ANO3: variants seen among roughly 807,000 people sequenced by gnomAD.
ANO3 encodes the protein anoctamin 3, also known as anoctamin-3.
In ANO3, 99 loss-of-function variants were observed where a neutral mutation model predicts 144.8. That is an observed-to-expected ratio of 0.68 (90% CI 0.58 to 0.81). ANO3 has a LOEUF of 0.81. Ranked by LOEUF, ANO3 falls within the 30% of genes least tolerant of loss-of-function variation. The pLI, the probability that ANO3 is intolerant of heterozygous loss-of-function variation, is 0.00. For missense variants in ANO3, 905 were observed against 1,202.2 expected, an observed-to-expected ratio of 0.75 and a Z score of 3.66; for synonymous variants, 414 against 392.6, an observed-to-expected ratio of 1.05 and a Z score of -0.64.
chr11:26,590,118 G>A (rs11606418), intron 14 of ANO3, among the ~76,000 whole-genome samples: 23,626 of 152,076 alleles, frequency 0.16, 2,104 homozygotes, highest in East Asian at 0.33. Flanking sequence ...AGGATACAAC[G>A]TTTAGAACCT....
chr11:26,328,192 C>A (rs1335535043), upstream of ANO3, among the ~76,000 whole-genome samples: 4 of 152,164 alleles, frequency 2.6e-5, no homozygotes, highest in African/African-American at 7.2e-5. Flanking sequence ...GAGCATATAG[C>A]CTGGATATCA....
chr11:26,230,124 A>T (rs1168631728), intron 1 of ANO3, among the ~76,000 whole-genome samples: 1 of 152,218 alleles, frequency 6.6e-6, no homozygotes, highest in African/African-American at 2.4e-5. Context: ...CTCTTTCTAG[A>T]CACATATATT....
chr11:26,436,440 C>T (rs776378073), intron 1 of ANO3, among the ~76,000 whole-genome samples: 3 of 152,158 alleles, frequency 2.0e-5, no homozygotes, highest in African/African-American at 4.8e-5. Context: ...TGAGGGTCTG[C>T]TCCAGTCTCT....
At chr11:26,260,001 T>C (rs1172296970) in intron 1 of ANO3, among the ~76,000 whole-genome samples, 1 of 151,680 alleles carries the variant, frequency 6.6e-6, no homozygotes, top group Non-Finnish European at 1.5e-5. Flanking sequence ...TGCTGACAGT[T>C]AGGGCCCTGT....
chr11:26,412,426 T>A (rs1857457101), intron 1 of ANO3, among the ~76,000 whole-genome samples: 1 of 152,076 alleles, frequency 6.6e-6, no homozygotes, highest in Non-Finnish European at 1.5e-5. Flanking sequence ...AAATGAGACC[T>A]GAGTAATATT....
intron 1 of ANO3, among the ~76,000 whole-genome samples, chr11:26,315,681 CTAT>C (rs1564961765): frequency 1.4e-5 from 2 of 143,716 alleles, no homozygotes; most frequent in African/African-American, 5.1e-5. Context: ...ATCTATCTAT[CTAT>C]CCATCTATCT....
intron 17 of ANO3, among the ~76,000 whole-genome samples, chr11:26,611,605 T>C (rs1363859295): frequency 6.6e-6 from 1 of 152,206 alleles, no homozygotes; most frequent in Non-Finnish European, 1.5e-5. Flanking sequence ...GAATGTTCTG[T>C]AAATATCTGT....
intron 11 of ANO3, among the ~76,000 whole-genome samples, chr11:26,544,251 C>CACACATATAT (rs1183023481): frequency 1.6e-4 from 6 of 38,454 alleles, no homozygotes; most frequent in African/African-American, 4.0e-4. Flanking sequence ...TTTCATTATA[C>CACACATATAT]ATATATATAT....
intron 4 of ANO3, among the ~76,000 whole-genome samples, chr11:26,492,561 A>G (rs946278240): frequency 6.6e-6 from 1 of 152,182 alleles, no homozygotes; most frequent in African/African-American, 2.4e-5. Flanking sequence ...TCTTATGTGT[A>G]TATAGTTCTC....
intron 1 of ANO3, among the ~76,000 whole-genome samples, chr11:26,268,111 G>T: frequency 6.6e-6 from 1 of 152,092 alleles, no homozygotes; most frequent in Non-Finnish European, 1.5e-5. Context: ...TTTATTACGC[G>T]TCAAATACTG....
chr11:26,589,226 G>T (rs768592096), intron 14 of ANO3, among the ~76,000 whole-genome samples: 1 of 152,112 alleles, frequency 6.6e-6, no homozygotes, highest in South Asian at 2.1e-4. Context: ...GATAACATTT[G>T]CCATATCTCT....
chr11:26,500,497 G>A (rs986988317), intron 4 of ANO3, among the ~76,000 whole-genome samples: 2 of 151,982 alleles, frequency 1.3e-5, no homozygotes, highest in Admixed American at 1.3e-4. Flanking sequence ...TTCATAGATG[G>A]TGAAAAATGG....
chr11:26,457,861 C>T (rs1314295736), intron 3 of ANO3, among the ~76,000 whole-genome samples: 2 of 152,108 alleles, frequency 1.3e-5, no homozygotes, highest in Non-Finnish European at 2.9e-5. Context: ...TTTACTGTAA[C>T]TGTTACCACC....
At chr11:26,473,398 A>G (rs1229937156) in intron 4 of ANO3, among the ~76,000 whole-genome samples, 1 of 151,966 alleles carries the variant, frequency 6.6e-6, no homozygotes, top group Non-Finnish European at 1.5e-5. Flanking sequence ...TCAGATTACA[A>G]TCATATCATT....
At chr11:26,219,466 G>A (rs2133790863) in intron 1 of ANO3, among the ~76,000 whole-genome samples, 1 of 152,050 alleles carries the variant, frequency 6.6e-6, no homozygotes, top group Middle Eastern at 3.4e-3. Flanking sequence ...TTTCATTATG[G>A]TTAAGTAAAC....
intron 1 of ANO3, among the ~76,000 whole-genome samples, chr11:26,251,845 G>A (rs1289423771): frequency 2.0e-5 from 3 of 152,068 alleles, no homozygotes; most frequent in African/African-American, 7.2e-5. Context: ...TCACTATCAC[G>A]CAGACAGCAT....
At chr11:26,560,819 G>GA (rs1850258274) in intron 14 of ANO3, 2 of 355,002 alleles carry the variant, frequency 5.6e-6, no homozygotes, top group Non-Finnish European at 1.0e-5. Flanking sequence ...TTTCTACTAA[G>GA]AAAATACTAC....
At chr11:26,604,154 A>T (rs924081398) in intron 17 of ANO3, among the ~76,000 whole-genome samples, 2 of 151,960 alleles carry the variant, frequency 1.3e-5, no homozygotes, top group Non-Finnish European at 2.9e-5. Context: ...GAACTCATTT[A>T]TTGATTTTTA....
chr11:26,403,649 G>T (rs1857206013), intron 1 of ANO3, among the ~76,000 whole-genome samples: 1 of 151,856 alleles, frequency 6.6e-6, no homozygotes, highest in African/African-American at 2.4e-5. Flanking sequence ...CTGAATGCCT[G>T]TTTTAACCTT....
Sources: allele counts gnomAD v4.1 joint callset (sites outside exome capture counted in the v4.1 genomes callset), GRCh38; gene constraint gnomAD v4.1.1; transcripts MANE v1.5; gene names NCBI Gene and HGNC (gene_info 2026-07-23, HGNC 2026-07-21).